VPS4A: variants seen among roughly 807,000 people sequenced by gnomAD.
VPS4A encodes the protein vacuolar protein sorting-associated protein 4A.
VPS4A carries 20 observed loss-of-function variants against 52.3 expected under a neutral mutation model. That is an observed-to-expected ratio of 0.38 (90% CI 0.27 to 0.56). VPS4A has a LOEUF of 0.56. VPS4A is among the 20% of genes least tolerant of loss of function. VPS4A has a pLI of 0.72. For synonymous variants in VPS4A, 293 were observed against 227.7 expected (o/e 1.29, Z -2.58); for missense variants, 419 against 575.9 (o/e 0.73, Z 2.79).
chr16:69,320,418 A>C lies in VPS4A; in HGVS notation c.769+129A>C. 1 of 1,360,220 alleles carries C rather than the reference A, an allele frequency of 7.4e-7. No homozygotes were observed. Among genetic ancestry groups the C allele is most frequent in the East Asian group, 2.4e-5 (1 of 41,256 alleles). 84.3% of individuals were successfully genotyped at this position (1,360,220 alleles called of 1,614,324 possible). ...AGGCACTCCCCAGCTCCAGCCCCTC[A>C]GGGCACGGGTGGACTTCAATTCCCA... On this transcript the variant is annotated intron_variant, in intron 7 of 10. Coordinates refer to ENST00000254950, the MANE Select transcript of VPS4A (RefSeq NM_013245.3). This position sits in a 1 kb window ranked among gnomAD's most constrained non-coding sequence, Gnocchi z 4.2.
chr16:69,324,464 A>C lies in VPS4A; in HGVS notation c.*155A>C. 5.3e-6 allele frequency: 4 copies of C among 758,404 alleles called. No individual in the cohort carries two copies. The highest frequency in any genetic ancestry group is 8.7e-6 in the Non-Finnish European group (4 of 460,486). The allele number at this position is 758,404 out of a possible 1,614,324, so 47.0% of individuals were successfully genotyped here. A position where few individuals can be genotyped will look rare whatever the true frequency, so the allele number is the denominator to read the frequency against. ...GCCGTCTGCCAGGGAGCCAGAAGGAAGGGCCTTGCAGCCACAGAGACACTC... is the reference window on the plus strand; with the variant it reads ...GCCGTCTGCCAGGGAGCCAGAAGGACGGGCCTTGCAGCCACAGAGACACTC... On this transcript the variant is annotated 3_prime_UTR_variant, in exon 11 of 11. Transcript: ENST00000254950.
rs1278583739 is a variant in VPS4A at position 69,311,460 on chromosome 16, G to A, written c.-52G>A. 3 of 1,276,772 alleles carry A rather than the reference G, an allele frequency of 2.3e-6. No individual in the cohort carries two copies. 79.1% of individuals were successfully genotyped at this position (1,276,772 alleles called of 1,614,324 possible). ...CCAGTACCTCGGCTCCCCGGGGCCG[G>A]ACCGAGGCCGCAAGCAGCGCCGCGG... On this transcript the variant is annotated 5_prime_UTR_variant, in exon 1 of 11. Coordinates refer to ENST00000254950, the MANE Select transcript of VPS4A (RefSeq NM_013245.3).
At position 69,320,406 on chromosome 16, in the gene VPS4A, C is replaced by T; in HGVS notation, c.769+117C>T. The T allele has an allele frequency of 1.4e-6, 2 of 1,441,456 alleles. No homozygotes were observed. Among genetic ancestry groups the T allele is most frequent in the Non-Finnish European group, 1.9e-6 (2 of 1,066,134 alleles). The allele number at this position is 1,441,456 out of a possible 1,614,324, so 89.3% of individuals were successfully genotyped here. On this transcript the variant is annotated intron_variant, in intron 7 of 10. Transcript: ENST00000254950. This position sits in a 1 kb window ranked among gnomAD's most constrained non-coding sequence, Gnocchi z 4.2. ...TCAGCCTCGGAGAGGCACTCCCCAG[C>T]TCCAGCCCCTCAGGGCACGGGTGGA...
rs774842657 is a variant in VPS4A, at chr16:69,311,469, C to T, written c.-43C>T. ...CGGCTCCCCGGGGCCGGACCGAGGC[C>T]GCAAGCAGCGCCGCGGGGTGTGGGG... On this transcript the variant is annotated 5_prime_UTR_variant, in exon 1 of 11. Coordinates refer to ENST00000254950, the MANE Select transcript of VPS4A (RefSeq NM_013245.3). The T allele has an allele frequency of 9.3e-6, 12 of 1,291,700 alleles. No homozygotes were observed. The East Asian group carries it at 2.9e-4, about 31-fold the overall frequency. 80.0% of individuals were successfully genotyped at this position (1,291,700 alleles called of 1,614,324 possible). A position where few individuals can be genotyped will look rare whatever the true frequency, so the allele number is the denominator to read the frequency against.
At chr16:69,316,150 G>A (rs778266280) in intron 2 of VPS4A, 31 bp downstream of exon 2, 9 of 1,612,698 alleles carry the variant, frequency 5.6e-6, no homozygotes, top group East Asian at 2.2e-5. Context: ...TCAGGCTGCC[G>A]CACTCCAGAG....
In VPS4A at chr16:69,319,331, T is replaced by C. The variant is rs1156862098; in HGVS notation, c.464-56T>C. 6.9e-6 allele frequency: 11 copies of C among 1,601,362 alleles called. No homozygotes were observed. In the Admixed American group the frequency reaches 1.9e-4, roughly 27 times the overall value. On this transcript the variant is annotated intron_variant, in intron 5 of 10. Coordinates refer to ENST00000254950, the MANE Select transcript of VPS4A (RefSeq NM_013245.3). ...ATGTATGGGACTCGAGACCCTCTGC[T>C]TTTCCTATTCCTTTCCCCAGTCAGG...
chr16:69,323,137 G>A lies in VPS4A; in HGVS notation c.1212+437G>A, dbSNP rs564480950. ...TGGCCTTTGTAGCTCAGGGAAGCTGGCATTACACTCACTGGGGGCCCAGAA... is the reference window on the plus strand; with the variant it reads ...TGGCCTTTGTAGCTCAGGGAAGCTGACATTACACTCACTGGGGGCCCAGAA... On this transcript the variant is annotated intron_variant, in intron 10 of 10. Transcript: ENST00000254950. 39 of 162,584 alleles carry A rather than the reference G, an allele frequency of 2.4e-4. No individual in the cohort carries two copies. In the South Asian group the frequency reaches 5.6e-3, roughly 23 times the overall value. The allele number at this position is 162,584 out of a possible 1,614,324, so 10.1% of individuals were successfully genotyped here. A position where few individuals can be genotyped will look rare whatever the true frequency, so the allele number is the denominator to read the frequency against.
rs986122611 is a variant in VPS4A, at chr16:69,311,381, C to A, written c.-131C>A. 4 of 1,038,986 alleles carry A rather than the reference C, an allele frequency of 3.8e-6. No homozygotes were observed. Among genetic ancestry groups the A allele is most frequent in the Non-Finnish European group, 4.9e-6 (4 of 810,254 alleles). 64.4% of individuals were successfully genotyped at this position (1,038,986 alleles called of 1,614,324 possible). On this transcript the variant is annotated 5_prime_UTR_variant, in exon 1 of 11. Coordinates refer to ENST00000254950, the MANE Select transcript of VPS4A (RefSeq NM_013245.3). ...GGACTCGGCTCCCGCTGCGAGCGGC[C>A]GCCCTGCCCGCGCACCGCGCTCAGC...
intron 1 of VPS4A, among the ~76,000 whole-genome samples, chr16:69,312,805 G>A (rs1029342675): frequency 2.0e-5 from 3 of 151,844 alleles, no homozygotes. Context: ...TAGAGACCGG[G>A]TTTCACCGTG....
At position 69,324,692 on chromosome 16, in the gene VPS4A, C is replaced by G. The variant is rs148649560; in HGVS notation, c.*383C>G. 813 of 215,906 alleles carry G rather than the reference C, an allele frequency of 3.8e-3. 4 individuals are homozygous for G. The highest frequency in any genetic ancestry group is 0.018 in the African/African-American group (788 of 44,628). 13.4% of individuals were successfully genotyped at this position (215,906 alleles called of 1,614,324 possible). ...GGCGGGGTGGCGGGGGAGAAGCAGCCGTGCTGCCAGGTCACCCAGACCTCC... is the reference window on the plus strand; with the variant it reads ...GGCGGGGTGGCGGGGGAGAAGCAGCGGTGCTGCCAGGTCACCCAGACCTCC... On this transcript the variant is annotated 3_prime_UTR_variant, in exon 11 of 11. Transcript: ENST00000254950.
intron 6 of VPS4A, 76 bp downstream of exon 6, chr16:69,319,619 C>T: frequency 6.5e-7 from 1 of 1,534,720 alleles, no homozygotes; most frequent in Non-Finnish European, 8.8e-7. Context: ...CCTGTGGAGT[C>T]ACCTCTCAGA....
rs1567425966 is a variant in VPS4A, at chr16:69,324,629, T to C, written c.*320T>C. 1 of 293,920 alleles carries C rather than the reference T, an allele frequency of 3.4e-6. No individual in the cohort carries two copies. The highest frequency in any genetic ancestry group is 6.7e-6 in the Non-Finnish European group (1 of 149,156). The allele number at this position is 293,920 out of a possible 1,614,324, so 18.2% of individuals were successfully genotyped here. A position where few individuals can be genotyped will look rare whatever the true frequency, so the allele number is the denominator to read the frequency against. ...AATGCTGCTTGGATTTTCATCTTAT[T>C]TATAAAGATAAAATCACCTGGAAGT... On this transcript the variant is annotated 3_prime_UTR_variant, in exon 11 of 11. Transcript: ENST00000254950.
chr16:69,317,953 CAAAA>C (rs35907075), intron 3 of VPS4A, among the ~76,000 whole-genome samples: 6 of 46,046 alleles, frequency 1.3e-4, no homozygotes, highest in African/African-American at 3.9e-4. Context: ...GGCACCATCT[CAAAA>C]AAAAAAAAAA....
chr16:69,311,560 G>C (rs777572762), intron 1 of VPS4A, 28 bp downstream of exon 1: 2 of 1,295,216 alleles, frequency 1.5e-6, no homozygotes, highest in South Asian at 2.5e-5. Context: ...GCCCGACTTC[G>C]GAGGCCGAAG....
chr16:69,322,483 C>A, intron 9 of VPS4A, 77 bp from the exon 10 acceptor site: 1 of 1,446,310 alleles, frequency 6.9e-7, no homozygotes, highest in Non-Finnish European at 9.2e-7. Flanking sequence ...CTCTTTGGGA[C>A]TTCCTTAGAG....
intron 10 of VPS4A, chr16:69,323,493 A>T: frequency 2.8e-6 from 1 of 360,916 alleles, no homozygotes; most frequent in Non-Finnish European, 5.5e-6. Context: ...TCAGGTCCAG[A>T]TAATATGACG....
At chr16:69,316,479 G>C in intron 3 of VPS4A, 107 bp downstream of exon 3, 1 of 1,450,518 alleles carries the variant, frequency 6.9e-7, no homozygotes, top group East Asian at 2.3e-5. Context: ...GGTCCTCATA[G>C]TGCAGGGATG....
chr16:69,317,964 A>G (rs1403642931), intron 3 of VPS4A, among the ~76,000 whole-genome samples: 2 of 149,562 alleles, frequency 1.3e-5, no homozygotes, highest in Non-Finnish European at 3.0e-5. Flanking sequence ...AAAAAAAAAA[A>G]AAAAAAAAAA....
At chr16:69,323,406 T>C (rs9931701) in intron 10 of VPS4A, 39,619 of 279,970 alleles carry the variant, frequency 0.14, 3,480 homozygotes, top group Middle Eastern at 0.28. Context: ...CAGCGTGGCC[T>C]CCCAAAGTGC....
Sources: allele counts gnomAD v4.1 joint callset (sites outside exome capture counted in the v4.1 genomes callset), GRCh38; gene constraint gnomAD v4.1.1; non-coding constraint Gnocchi (gnomAD v3.1); transcripts MANE v1.5; gene names NCBI Gene and HGNC (gene_info 2026-07-23, HGNC 2026-07-21).